The following KRT12 variants were observed in gnomAD, a reference collection of about 807,000 sequenced individuals.
The protein encoded by KRT12 is keratin, type I cytoskeletal 12.
KRT12 carries 43 observed loss-of-function variants against 50.2 expected under a neutral mutation model. The ratio of observed to expected loss-of-function variants is 0.86; its 90% confidence interval spans 0.67 to 1.11. The LOEUF (loss-of-function observed/expected upper bound fraction) is 1.11, where lower values mean the gene tolerates loss of function less well. KRT12 is among the 50% of genes least tolerant of loss of function. The pLI is 0.00. For synonymous variants in KRT12, 257 were observed against 253.6 expected (o/e 1.01, Z -0.13); for missense variants, 588 against 625.6 (o/e 0.94, Z 0.64).
Position 40,867,088 on chromosome 17 carries a change from C to T in KRT12, c.99G>A (p.Met33Ile), listed in dbSNP as rs745841591. The T allele has an allele frequency of 6.2e-7, 1 of 1,613,782 alleles. No homozygotes were observed. The highest frequency in any genetic ancestry group is 8.5e-7 in the Non-Finnish European group (1 of 1,179,834). Residue 33 changes from methionine to isoleucine, a missense_variant, in exon 1 of 8, where the codon ATG (methionine) becomes ATA (isoleucine). Physicochemically the swap from Met to Ile is conservative, Grantham distance 10. Transcript: ENST00000251643. Reference sequence around the variant, plus strand: ...AACCACTTCCAACACTGGAAGCAGACATGCCCCTGGGTCTGCCTATCACAC... The same window carrying T: ...AACCACTTCCAACACTGGAAGCAGATATGCCCCTGGGTCTGCCTATCACAC... ...SQSVIGRPRG[M>I]SASSVGSGYG...
chr17:40,861,388 C>T lies in KRT12; in HGVS notation c.*273G>A. 1 of 474,656 alleles carries T rather than the reference C, an allele frequency of 2.1e-6. No individual in the cohort carries two copies. The highest frequency in any genetic ancestry group is 3.8e-6 in the Non-Finnish European group (1 of 264,780). The allele number at this position is 474,656 out of a possible 1,614,324, so 29.4% of individuals were successfully genotyped here. On this transcript the variant is annotated 3_prime_UTR_variant, in exon 8 of 8. Coordinates refer to ENST00000251643, the MANE Select transcript of KRT12 (RefSeq NM_000223.4). ...TATGATTAAAAAATATTCCGGGTTA[C>T]CAGAAGAAAGTTCGTTAAAAGACTA...
rs200678860 is a variant in KRT12 at position 40,864,915 on chromosome 17, T to C, written c.698A>G (p.Asn233Ser). ...ALRQGVEADI[N>S]GLRRVLDELT... is the part of the protein sequence containing the mutation. ...CTCGTCCAGCACCCGGCGCAGGCCA[T>C]TGATGTCGGCCTCTACGCCCTGGCG... The change falls in exon 3 of 8, where the codon AAT (asparagine) becomes AGT (serine). Residue 233 changes from asparagine to serine, a missense_variant. Transcript: ENST00000251643. The C allele has an allele frequency of 8.1e-6, 13 of 1,614,252 alleles. No individual in the cohort carries two copies. Among genetic ancestry groups the C allele is most frequent in the Non-Finnish European group, 1.0e-5 (12 of 1,180,034 alleles).
Position 40,861,691 on chromosome 17 carries a change from A to G in KRT12, c.1455T>C (p.Ser485=). Residue 485 remains serine (S), a synonymous_variant, in exon 8 of 8, where the codon TCT becomes TCC. Coordinates refer to ENST00000251643, the MANE Select transcript of KRT12 (RefSeq NM_000223.4). ...QEMVNGEVVS[S]QVQEIEELM ...TTAGTTCTTCAATTTCCTGAACTTG[A>G]GATGAGACCACCTCACCATTCACCA... 3 of 1,613,294 alleles carry G rather than the reference A, an allele frequency of 1.9e-6. No homozygotes were observed. The highest frequency in any genetic ancestry group is 2.2e-5 in the South Asian group (2 of 91,060).
Position 40,864,923 on chromosome 17 carries a change from G to C in KRT12, c.690C>G (p.Ala230=). ...GCACCCGGCGCAGGCCATTGATGTC[G>C]GCCTCTACGCCCTGGCGCAGGGCCA... The part of the protein sequence containing the change: ...NELALRQGVE[A]DINGLRRVLD... The change falls in exon 3 of 8, where the codon GCC becomes GCG. Residue 230 remains alanine (A), a synonymous_variant. Coordinates refer to ENST00000251643, the MANE Select transcript of KRT12 (RefSeq NM_000223.4). 6.2e-7 allele frequency: 1 copy of C among 1,614,210 alleles called. No homozygotes were observed. The highest frequency in any genetic ancestry group is 8.5e-7 in the Non-Finnish European group (1 of 1,180,050).
intron 3 of KRT12, 76 bp downstream of exon 3, chr17:40,864,730 C>G: frequency 6.7e-7 from 1 of 1,491,610 alleles, no homozygotes; most frequent in Admixed American, 1.7e-5. Flanking sequence ...CTCCAGATTT[C>G]TAAATTTGAA....
At position 40,863,259 on chromosome 17, in the gene KRT12, G is replaced by C. The variant is rs1313231805; in HGVS notation, c.1180C>G (p.Leu394Val). Reference protein sequence around the residue: ...LSQVQQLISNLEAQLLQVRAD... With the variant: ...LSQVQQLISNVEAQLLQVRAD... The stretch of plus-strand genomic sequence containing the variant: ...CGCACCTGGAGCAGCTGTGCCTCCA[G>C]GTTGCTGATGAGCTGCTGCACCTGG... Residue 394 changes from leucine to valine, a missense_variant, in exon 6 of 8, where the codon CTG becomes GTG. Leu to Val is a conservative substitution (Grantham distance 32, BLOSUM62 1). Coordinates refer to ENST00000251643, the MANE Select transcript of KRT12 (RefSeq NM_000223.4). This position sits in a 1 kb window ranked among gnomAD's most constrained non-coding sequence, Gnocchi z 4.2. 6.2e-7 allele frequency: 1 copy of C among 1,614,012 alleles called. No individual in the cohort carries two copies. Among genetic ancestry groups the C allele is most frequent in the Admixed American group, 1.7e-5 (1 of 60,024 alleles).
chr17:40,863,953 T>TAAACACACAC lies in KRT12; in HGVS notation c.808-90_808-89insGTGTGTGTTT. 1 of 512,176 alleles carries TAAACACACAC rather than the reference T, an allele frequency of 2.0e-6. No individual in the cohort carries two copies. The highest frequency in any genetic ancestry group is 3.4e-6 in the Non-Finnish European group (1 of 297,302). The allele number at this position is 512,176 out of a possible 1,614,324, so 31.7% of individuals were successfully genotyped here. ...ACTTTTGTCCTCTTGGGCCCCTTCC[T>TAAACACACAC]ACACACACACACACACACACACACA... On this transcript the variant is annotated intron_variant, in intron 3 of 7. Transcript: ENST00000251643. This position sits in a 1 kb window ranked among gnomAD's most constrained non-coding sequence, Gnocchi z 4.2.
intron 7 of KRT12, 41 bp from the exon 8 acceptor site, chr17:40,861,799 T>G (rs1311417159): frequency 1.6e-6 from 2 of 1,271,440 alleles, no homozygotes; most frequent in Admixed American, 3.4e-5. Flanking sequence ...AGTTAGTGTT[T>G]CAAATATTAA....
Position 40,866,905 on chromosome 17 carries a change from A to C in KRT12, c.282T>G (p.Phe94Leu). The change falls in exon 1 of 8, where the codon TTT becomes TTG. Residue 94 changes from phenylalanine (F) to leucine (L), a missense_variant. Phe to Leu is a conservative substitution (Grantham distance 22, BLOSUM62 0). Transcript: ENST00000251643. ...GYGRALGGGS[F>L]GGLGMGFGGS... is the part of the protein sequence containing the mutation. ...CCCCAAATCCCATCCCCAGCCCTCC[A>C]AAGCTACCTCCACCCAGGGCTCTCC... is the stretch of plus-strand genomic sequence containing the variant. 6.2e-7 allele frequency: 1 copy of C among 1,613,890 alleles called. No individual in the cohort carries two copies. The highest frequency in any genetic ancestry group is 8.5e-7 in the Non-Finnish European group (1 of 1,179,930).
At position 40,867,115 on chromosome 17, in the gene KRT12, C is replaced by T; in HGVS notation, c.72G>A (p.Gln24=). The T allele has an allele frequency of 6.2e-7, 1 of 1,613,768 alleles. No individual in the cohort carries two copies. The highest frequency in any genetic ancestry group is 2.2e-5 in the East Asian group (1 of 44,876). ...TPGLSRRLSS[Q]SVIGRPRGMS... is the part of the protein sequence containing the mutation. ...TGCCCCTGGGTCTGCCTATCACACT[C>T]TGCGAGGAGAGCCGCCGGGACAGTC... Residue 24 remains glutamine (Q), a synonymous_variant, in exon 1 of 8, where the codon CAG becomes CAA. Transcript: ENST00000251643.
chr17:40,866,816 G>C lies in KRT12; in HGVS notation c.371C>G (p.Ser124Ter), dbSNP rs752901553. 6.2e-7 allele frequency: 1 copy of C among 1,614,072 alleles called. No homozygotes were observed. Among genetic ancestry groups the C allele is most frequent in the Non-Finnish European group, 8.5e-7 (1 of 1,180,022 alleles). Reference protein sequence around the residue: ...SGNDGGLLSGSEKETMQNLND... With the variant: ...SGNDGGLLSG ...AAGATTTTGCATAGTTTCTTTTTCTGATCCAGAAAGAAGGCCTCCATCATT... is the reference window on the plus strand; with the variant it reads ...AAGATTTTGCATAGTTTCTTTTTCTCATCCAGAAAGAAGGCCTCCATCATT... Residue 124 changes from serine to a stop codon, truncating the protein, a stop_gained, in exon 1 of 8, where the codon TCA (serine) becomes TGA (stop). Transcript: ENST00000251643. LOFTEE classifies it high-confidence loss of function.
chr17:40,862,310 C>T (rs374781641), intron 7 of KRT12, among the ~76,000 whole-genome samples: 3 of 152,064 alleles, frequency 2.0e-5, no homozygotes, highest in Admixed American at 6.6e-5. Flanking sequence ...TGGCCTCAAG[C>T]GATCCTCCCA....
chr17:40,862,709 A>G (rs9894091), intron 6 of KRT12, 74 bp from the exon 7 acceptor site: 193,860 of 1,086,450 alleles, frequency 0.18, 19,136 homozygotes, highest in Middle Eastern at 0.23. Context: ...GGTCTGAGAA[A>G]TTAGATTTCC....
chr17:40,863,692 GT>G lies in KRT12; in HGVS notation c.969+10del, dbSNP rs777668134. The G allele has an allele frequency of 3.1e-6, 5 of 1,614,012 alleles. No homozygotes were observed. The African/African-American group carries it at 6.7e-5, about 22-fold the overall frequency. The stretch of plus-strand genomic sequence containing the variant: ...CTGTGAATGTATCAAAGCCTTTGTT[GT>G]TTGTGTTACCTTTTCAATGAACCAG... On this transcript the variant is annotated intron_variant, in intron 4 of 7. Transcript: ENST00000251643. The surrounding 1 kb of genome is among the most constrained non-coding windows in gnomAD (Gnocchi z 4.2).
At chr17:40,865,399 G>C (rs1257776924) in intron 2 of KRT12, among the ~76,000 whole-genome samples, 2 of 152,176 alleles carry the variant, frequency 1.3e-5, no homozygotes, top group African/African-American at 2.4e-5. Flanking sequence ...AGATTTTACA[G>C]GTTCAGAACC....
rs546725527 is a variant in KRT12 at position 40,861,841 on chromosome 17, A to C, written c.1388-83T>G. On this transcript the variant is annotated intron_variant, in intron 7 of 7. Coordinates refer to ENST00000251643, the MANE Select transcript of KRT12 (RefSeq NM_000223.4). Reference sequence around the variant, plus strand: ...ACTGGTTGTTTAATGTAGGCTTCTAAATTAAGCATTGGTTGATACAATCCA... The same window carrying C: ...ACTGGTTGTTTAATGTAGGCTTCTACATTAAGCATTGGTTGATACAATCCA... The C allele has an allele frequency of 3.4e-6, 3 of 887,094 alleles. No individual in the cohort carries two copies. In the African/African-American group the frequency reaches 4.9e-5, roughly 14 times the overall value. 55.0% of individuals were successfully genotyped at this position (887,094 alleles called of 1,614,324 possible).
chr17:40,864,544 T>TA (rs1906935916), intron 3 of KRT12, among the ~76,000 whole-genome samples: 1 of 152,140 alleles, frequency 6.6e-6, no homozygotes, highest in African/African-American at 2.4e-5. Context: ...CATTGCCTTA[T>TA]AATGAAAATG....
intron 2 of KRT12, among the ~76,000 whole-genome samples, chr17:40,865,698 G>A (rs1371930832): frequency 1.3e-5 from 2 of 151,994 alleles, no homozygotes; most frequent in Non-Finnish European, 2.9e-5. Flanking sequence ...CACGGTGGCA[G>A]CCGCCTGTAA....
intron 2 of KRT12, 91 bp downstream of exon 2, chr17:40,866,064 A>G: frequency 1.0e-6 from 1 of 965,514 alleles, no homozygotes. Flanking sequence ...GGAGTATGTG[A>G]ACTTCAGAAG....
Sources: allele counts gnomAD v4.1 joint callset (sites outside exome capture counted in the v4.1 genomes callset), GRCh38; gene constraint gnomAD v4.1.1; non-coding constraint Gnocchi (gnomAD v3.1); transcripts MANE v1.5; gene names NCBI Gene and HGNC (gene_info 2026-07-23, HGNC 2026-07-21).